Variants in ZFHX3 observed in about 807,000 individuals in gnomAD.
ZFHX3 encodes zinc finger homeobox 3.
A neutral mutation model predicts 279.1 loss-of-function variants in ZFHX3; 42 were observed. The observed-to-expected ratio is 0.15, with a 90% CI of 0.12 to 0.19. ZFHX3 has a LOEUF of 0.19. ZFHX3 is among the 10% of genes least tolerant of loss of function. The pLI, the probability that ZFHX3 is intolerant of heterozygous loss-of-function variation, is 1.00. For synonymous variants in ZFHX3, 2,293 were observed against 1,957.8 expected, an observed-to-expected ratio of 1.17 and a Z score of -4.52; for missense variants, 4,981 against 4,754.0, an observed-to-expected ratio of 1.05 and a Z score of -1.40.
chr16:73,374,947 T>A (rs1231191931), intron 3 of ZFHX3, among the ~76,000 whole-genome samples: 1 of 152,238 alleles, frequency 6.6e-6, no homozygotes, highest in African/African-American at 2.4e-5. Context: ...TCAAGGGATT[T>A]CATTGCCTGC....
At chr16:72,903,051 T>G (rs1253733668) in intron 3 of ZFHX3, among the ~76,000 whole-genome samples, 4 of 151,932 alleles carry the variant, frequency 2.6e-5, no homozygotes. Context: ...GTCTGAATTC[T>G]CACCAGGATA....
chr16:73,486,055 G>C (rs2018968335), intron 2 of ZFHX3, among the ~76,000 whole-genome samples: 1 of 152,204 alleles, frequency 6.6e-6, no homozygotes, highest in Non-Finnish European at 1.5e-5. Context: ...TTGAGTGAAT[G>C]TCATCTGATT....
chr16:73,588,406 G>C (rs1157194845), intron 2 of ZFHX3, among the ~76,000 whole-genome samples: 1 of 151,572 alleles, frequency 6.6e-6, no homozygotes. Context: ...GAGAGAGGAG[G>C]CCGGTCGCGG....
intron 2 of ZFHX3, among the ~76,000 whole-genome samples, chr16:73,531,904 C>G (rs1320049570): frequency 6.6e-6 from 1 of 151,714 alleles, no homozygotes; most frequent in Non-Finnish European, 1.5e-5. Flanking sequence ...GCCTGGGCAA[C>G]ATAGTGAGAC....
chr16:73,057,104 G>A (rs1965572113), intron 1 of ZFHX3, among the ~76,000 whole-genome samples: 1 of 152,160 alleles, frequency 6.6e-6, no homozygotes, highest in Non-Finnish European at 1.5e-5. Context: ...TCCATACAGT[G>A]CTTAGATCAA....
chr16:72,835,905 G>A (rs1848186585), intron 4 of ZFHX3, among the ~76,000 whole-genome samples: 1 of 152,134 alleles, frequency 6.6e-6, no homozygotes, highest in Non-Finnish European at 1.5e-5. Context: ...TCTACTGGCT[G>A]CAAATATTCT....
intron 2 of ZFHX3, among the ~76,000 whole-genome samples, chr16:73,621,541 G>C (rs1371444095): frequency 6.6e-6 from 1 of 152,130 alleles, no homozygotes; most frequent in East Asian, 1.9e-4. Context: ...GGAAGGAAGG[G>C]AAAGGCCTTT....
chr16:72,961,684 C>T (rs1258399248), intron 1 of ZFHX3, among the ~76,000 whole-genome samples: 2 of 152,068 alleles, frequency 1.3e-5, no homozygotes, highest in African/African-American at 2.4e-5. Flanking sequence ...ACAGCTCCCC[C>T]TCGGGAAAAA....
At chr16:73,163,317 G>A (rs1354065202) in intron 5 of ZFHX3, among the ~76,000 whole-genome samples, 1 of 152,132 alleles carries the variant, frequency 6.6e-6, no homozygotes, top group Non-Finnish European at 1.5e-5. Context: ...AGTCTAATCA[G>A]GTAGACAAAA....
intron 1 of ZFHX3, among the ~76,000 whole-genome samples, chr16:73,800,757 C>A (rs1428397604): frequency 6.6e-6 from 1 of 152,122 alleles, no homozygotes; most frequent in African/African-American, 2.4e-5. Context: ...CCCCTGGGCA[C>A]CTGACCCGGA....
At chr16:73,530,942 A>C (rs986410100) in intron 2 of ZFHX3, among the ~76,000 whole-genome samples, 3 of 152,210 alleles carry the variant, frequency 2.0e-5, no homozygotes, top group African/African-American at 4.8e-5. Context: ...ACAGTTCTGC[A>C]CTGGAGAAAC....
chr16:73,564,073 G>A (rs1048295934), intron 2 of ZFHX3, among the ~76,000 whole-genome samples: 1 of 152,190 alleles, frequency 6.6e-6, no homozygotes, highest in African/African-American at 2.4e-5. Context: ...GCCTAACTAT[G>A]GTTTTGTCGC....
intron 3 of ZFHX3, among the ~76,000 whole-genome samples, chr16:72,937,120 T>TGTTA (rs1461948041): frequency 6.6e-6 from 1 of 152,096 alleles, no homozygotes; most frequent in Non-Finnish European, 1.5e-5. Context: ...TTCTGCACCA[T>TGTTA]GCTAAGCCTG....
chr16:72,853,554 C>T (rs570008537), intron 4 of ZFHX3, among the ~76,000 whole-genome samples: 1 of 152,318 alleles, frequency 6.6e-6, no homozygotes, highest in Non-Finnish European at 1.5e-5. Context: ...TACAATTAGC[C>T]TGGCTTTCCT....
At position 72,795,135 on chromosome 16, in the gene ZFHX3, G is replaced by C. The variant is rs903638186; in HGVS notation, c.7547C>G (p.Thr2516Ser). ...AGGTAGGTTTGCGAGCTGTTGAGGAGTTGATGTGTGGAGGGGCTTGAGGGG... is the reference window on the plus strand; with the variant it reads ...AGGTAGGTTTGCGAGCTGTTGAGGACTTGATGTGTGGAGGGGCTTGAGGGG... ...HLPLKPLHTSTPQQLANLPPQ... is the reference protein window; with the variant it reads ...HLPLKPLHTSSPQQLANLPPQ... Residue 2516 changes from threonine to serine, a missense_variant, in exon 9 of 10, where the codon ACT becomes AGT. By Grantham distance (58) the Thr-to-Ser change is moderately conservative. Transcript: ENST00000268489. 3 of 1,613,808 alleles carry C rather than the reference G, an allele frequency of 1.9e-6. No homozygotes were observed. The highest frequency in any genetic ancestry group is 2.5e-6 in the Non-Finnish European group (3 of 1,179,948).
intron 3 of ZFHX3, among the ~76,000 whole-genome samples, chr16:73,362,610 T>C (rs1300617057): frequency 1.6e-4 from 24 of 152,206 alleles, no homozygotes; most frequent in Non-Finnish European, 2.9e-5. Flanking sequence ...ATTCATCTAA[T>C]ATTTCAATAC....
intron 2 of ZFHX3, among the ~76,000 whole-genome samples, chr16:73,494,234 CA>C (rs1484863006): frequency 6.6e-6 from 1 of 152,184 alleles, no homozygotes; most frequent in African/African-American, 2.4e-5. Flanking sequence ...ATGTCTACAT[CA>C]ATACGGACGG....
chr16:72,958,465 A>G lies in ZFHX3; in HGVS notation c.1681T>C (p.Phe561Leu), dbSNP rs1257567129. Reference sequence around the variant, plus strand: ...CGATTCCTCCTGTTCGCACCATCAAAGACAACAAAGGAAGAAGCAGAATTA... The same window carrying G: ...CGATTCCTCCTGTTCGCACCATCAAGGACAACAAAGGAAGAAGCAGAATTA... ...SSNSASSFVV[F>L]DGANRRNRLS... Residue 561 changes from phenylalanine to leucine, a missense_variant, in exon 2 of 10, where the codon TTT (phenylalanine) becomes CTT (leucine). Physicochemically the swap from Phe to Leu is conservative, Grantham distance 22. Transcript: ENST00000268489. 6.2e-7 allele frequency: 1 copy of G among 1,614,142 alleles called. No individual in the cohort carries two copies. The highest frequency in any genetic ancestry group is 1.7e-5 in the Admixed American group (1 of 60,032).
chr16:73,675,601 G>C (rs563548253), intron 2 of ZFHX3, among the ~76,000 whole-genome samples: 10 of 151,738 alleles, frequency 6.6e-5, no homozygotes, highest in Non-Finnish European at 1.3e-4. Flanking sequence ...AGATTACTGC[G>C]GTTCCTGAAA....
Sources: allele counts gnomAD v4.1 joint callset (sites outside exome capture counted in the v4.1 genomes callset), GRCh38; gene constraint gnomAD v4.1.1; transcripts MANE v1.5; gene names NCBI Gene and HGNC (gene_info 2026-07-23, HGNC 2026-07-21).